Variants in CASP6 observed in about 807,000 individuals in gnomAD.
CASP6 encodes caspase-6.
Under a neutral mutation model 31.8 loss-of-function variants are expected in CASP6, and 20 were observed. The ratio of observed to expected loss-of-function variants is 0.63; its 90% CI spans 0.44 to 0.91. CASP6 has a LOEUF of 0.91. CASP6 is among the 40% of genes least tolerant of loss of function. The pLI is 0.00. For synonymous variants in CASP6, 130 were observed against 127.8 expected, an observed-to-expected ratio of 1.02 and a Z score of -0.12; for missense variants, 328 against 361.1, an observed-to-expected ratio of 0.91 and a Z score of 0.74.
At chr4:109,698,176 G>A in intron 2 of CASP6, 124 bp downstream of exon 2, 2 of 997,904 alleles carry the variant, frequency 2.0e-6, no homozygotes, top group African/African-American at 1.6e-5. Flanking sequence ...GCTCCCCAAA[G>A]GCTAAAACTT....
chr4:109,705,327 G>A (rs546518938), upstream of CASP6, among the ~76,000 whole-genome samples: 1 of 152,256 alleles, frequency 6.6e-6, no homozygotes, highest in East Asian at 1.9e-4. Context: ...TCAGAAGAAA[G>A]GTTCCTTTCA....
At chr4:109,705,879 C>A (rs1183294710), upstream of CASP6, among the ~76,000 whole-genome samples, 1 of 139,344 alleles carries the variant, frequency 7.2e-6, no homozygotes, top group Non-Finnish European at 1.5e-5. Context: ...ACTCAGGACA[C>A]TAAGATGGCA....
At chr4:109,673,370 C>G in the CASP6 span, among the ~76,000 whole-genome samples, 2 of 152,204 alleles carry the variant, frequency 1.3e-5, no homozygotes, top group Non-Finnish European at 2.9e-5. Flanking sequence ...CCTCCGCACT[C>G]CTGCCCACTC....
At chr4:109,684,619 T>C, downstream of CASP6, 1 of 1,546,618 alleles carries the variant, frequency 6.5e-7, no homozygotes, top group Non-Finnish European at 8.9e-7. Flanking sequence ...CTATGGTCTT[T>C]TTTGCATACT....
At chr4:109,677,980 G>C in the CASP6 span, among the ~76,000 whole-genome samples, 5,836 of 151,886 alleles carry the variant, frequency 0.038, 401 homozygotes, top group African/African-American at 0.14. Context: ...TGCAGTGTTT[G>C]TGTCCCTGGG....
At chr4:109,696,626 G>A (rs1037682862) in intron 3 of CASP6, 140 bp from the exon 4 acceptor site, 6 of 579,026 alleles carry the variant, frequency 1.0e-5, no homozygotes, top group East Asian at 5.7e-5. Flanking sequence ...TATAACAATG[G>A]TGGTTTTCCC....
intron 1 of CASP6, 24 bp from the exon 2 acceptor site, chr4:109,698,366 T>G (rs1312697420): frequency 6.2e-7 from 1 of 1,603,380 alleles, no homozygotes; most frequent in Admixed American, 1.7e-5. Flanking sequence ...TTGATTTTTG[T>G]TAATTATTTT....
At chr4:109,706,178 CACATAT>C (rs1476434242), upstream of CASP6, among the ~76,000 whole-genome samples, 6 of 97,674 alleles carry the variant, frequency 6.1e-5, 1 homozygote, top group African/African-American at 3.4e-4. Flanking sequence ...TATACACACA[CACATAT>C]ACACACACAC....
At chr4:109,664,751 G>A in the CASP6 span, among the ~76,000 whole-genome samples, 1 of 152,142 alleles carries the variant, frequency 6.6e-6, no homozygotes, top group African/African-American at 2.4e-5. Context: ...CAGTGTTTAA[G>A]CTTTTCCAGC....
chr4:109,666,684 G>A, the CASP6 span, among the ~76,000 whole-genome samples: 1 of 152,128 alleles, frequency 6.6e-6, no homozygotes. Flanking sequence ...TAACGGTCTT[G>A]TATCAGATAC....
chr4:109,703,105 G>T (rs113333755), intron 1 of CASP6, among the ~76,000 whole-genome samples: 90 of 152,276 alleles, frequency 5.9e-4, no homozygotes, highest in African/African-American at 2.1e-3. Context: ...CCCGGCGCCG[G>T]CGTCGCTACT....
chr4:109,696,872 G>A (rs1013919792), intron 3 of CASP6, among the ~76,000 whole-genome samples: 9 of 143,404 alleles, frequency 6.3e-5, no homozygotes, highest in African/African-American at 2.1e-4. Flanking sequence ...TGCAAGCTCC[G>A]CCTCCTGGCT....
upstream of CASP6, among the ~76,000 whole-genome samples, chr4:109,706,968 T>C (rs1730632937): frequency 6.6e-6 from 1 of 152,176 alleles, no homozygotes; most frequent in Non-Finnish European, 1.5e-5. Flanking sequence ...TTGCCAGTCA[T>C]CCCAGCCTTC....
rs756861876 is a variant in CASP6, at chr4:109,703,437, T to A, written c.-42A>T. 5.6e-6 allele frequency: 9 copies of A among 1,604,046 alleles called. No homozygotes were observed. The South Asian group carries it at 9.0e-5, about 16-fold the overall frequency. On this transcript the variant is annotated 5_prime_UTR_variant, in exon 1 of 7. Coordinates refer to ENST00000265164, the MANE Select transcript of CASP6 (RefSeq NM_001226.4). ...GCCAGACACCTTGCCCTCCTCTTCC[T>A]GAAGCCACAGGCTCCCGGGCCCGGC...
At chr4:109,680,841 A>ACCTTGTC in the CASP6 span, among the ~76,000 whole-genome samples, 28 of 152,066 alleles carry the variant, frequency 1.8e-4, no homozygotes, top group Non-Finnish European at 4.1e-4. Flanking sequence ...CCTTCCTCTC[A>ACCTTGTC]CCTTGTCCTC....
chr4:109,670,598 C>T, the CASP6 span, among the ~76,000 whole-genome samples: 2 of 151,854 alleles, frequency 1.3e-5, no homozygotes, highest in African/African-American at 2.4e-5. Flanking sequence ...TGCCTGTAAT[C>T]ACAGGTACTC....
chr4:109,669,761 C>G, the CASP6 span, among the ~76,000 whole-genome samples: 3 of 150,736 alleles, frequency 2.0e-5, no homozygotes, highest in Non-Finnish European at 4.4e-5. Flanking sequence ...AATGAAATAT[C>G]CTTAAGCTTA....
chr4:109,706,131 T>TTTTATATATA (rs1730607258), upstream of CASP6, among the ~76,000 whole-genome samples: 2 of 36,110 alleles, frequency 5.5e-5, no homozygotes, highest in Admixed American at 3.9e-4. Flanking sequence ...CCTATCCATT[T>TTTTATATATA]TATATATATA....
At chr4:109,672,853 C>T in the CASP6 span, among the ~76,000 whole-genome samples, 2 of 152,226 alleles carry the variant, frequency 1.3e-5, no homozygotes, top group East Asian at 3.9e-4. Flanking sequence ...TTTGTAAGTA[C>T]TTTTACTTTT....
Sources: allele counts gnomAD v4.1 joint callset (sites outside exome capture counted in the v4.1 genomes callset), GRCh38; gene constraint gnomAD v4.1.1; transcripts MANE v1.5; gene names NCBI Gene and HGNC (gene_info 2026-07-23, HGNC 2026-07-21).